ZNF208: variants seen among roughly 807,000 people sequenced by gnomAD.
ZNF208 encodes the protein zinc finger protein 95.
In ZNF208, 10 loss-of-function variants were observed where a neutral mutation model predicts 12.1. The observed-to-expected ratio is 0.83, with a 90% CI of 0.51 to 1.40. The LOEUF (loss-of-function observed/expected upper bound fraction) is 1.40. ZNF208 is among the 40% of genes most tolerant of loss of function. The probability of loss-of-function intolerance (pLI) is 0.00; values close to 1 mark genes in which losing one functional copy is unlikely to be tolerated. For synonymous variants in ZNF208, 497 were observed against 488.4 expected (o/e 1.02, Z -0.23); for missense variants, 1,652 against 1,485.0 (o/e 1.11, Z -1.85).
chr19:21,950,372 C>T (rs937362776), intron 4 of ZNF208, among the ~76,000 whole-genome samples: 1 of 152,028 alleles, frequency 6.6e-6, no homozygotes, highest in African/African-American at 2.4e-5. Flanking sequence ...TTTAAAAGAT[C>T]TCTGCTTTTT....
chr19:21,956,994 A>G (rs916413860), intron 4 of ZNF208, among the ~76,000 whole-genome samples: 1 of 152,106 alleles, frequency 6.6e-6, no homozygotes, highest in African/African-American at 2.4e-5. Flanking sequence ...AATATTCTTA[A>G]CTTGTAGCAA....
chr19:21,972,108 C>T lies in ZNF208; in HGVS notation c.2926G>A (p.Glu976Lys). 1.2e-6 allele frequency: 2 copies of T among 1,612,830 alleles called. No homozygotes were observed. The highest frequency in any genetic ancestry group is 8.5e-7 in the Non-Finnish European group (1 of 1,179,626). The change falls in exon 4 of 4, where the codon GAA becomes AAA. Residue 976 changes from glutamate (E) to lysine (K), a missense_variant. This residue lies in a region of ZNF208 where 1,239 missense variants were observed against 1,086.2 expected (regional missense o/e 1.14). Coordinates refer to ENST00000397126, the MANE Select transcript of ZNF208 (RefSeq NM_007153.3). ...GTACTAAAGCCTTTGCCACATTCTT[C>T]ATATTTGTAAGGTTTCTCTTCAGTA... ...IHTEEKPYKY[E>K]ECGKGFSTFS...
chr19:21,993,093 C>G (rs1203460467), intron 1 of ZNF208, among the ~76,000 whole-genome samples: 1 of 152,112 alleles, frequency 6.6e-6, no homozygotes, highest in Non-Finnish European at 1.5e-5. Flanking sequence ...GCAGAAGGAC[C>G]AAGACAGAAA....
intron 3 of ZNF208, among the ~76,000 whole-genome samples, chr19:21,977,909 C>T (rs1261065753): frequency 2.0e-5 from 3 of 152,128 alleles, no homozygotes; most frequent in Non-Finnish European, 4.4e-5. Flanking sequence ...AGGGCGTCCG[C>T]CATTGCTGAG....
At chr19:21,945,441 GT>G (rs1313924234) in intron 4 of ZNF208, among the ~76,000 whole-genome samples, 1 of 152,056 alleles carries the variant, frequency 6.6e-6, no homozygotes, top group Non-Finnish European at 1.5e-5. Flanking sequence ...ATCATGCTTT[GT>G]TTTGTATTTT....
Position 21,972,180 on chromosome 19 carries a change from T to A in ZNF208, c.2854A>T (p.Lys952Ter). Residue 952 changes from lysine (K) to a stop codon, truncating the protein, a stop_gained, in exon 4 of 4, where the codon AAA becomes TAA. Transcript: ENST00000397126. LOFTEE classifies it low-confidence loss of function (END_TRUNC). ...EKFYKCEACG[K>*]AYKSSSTLSY... ...AGGGTTGAGGATGACTTATAGGCTT[T>A]GCCACATGCTTCACATTTGTAGAAT... 1.9e-6 allele frequency: 3 copies of A among 1,608,524 alleles called. No individual in the cohort carries two copies. Among genetic ancestry groups the A allele is most frequent in the Non-Finnish European group, 2.5e-6 (3 of 1,176,678 alleles).
intron 4 of ZNF208, among the ~76,000 whole-genome samples, chr19:21,945,297 GCACCTAACCTTTA>G (rs1969799189): frequency 6.6e-6 from 1 of 152,148 alleles, no homozygotes; most frequent in Non-Finnish European, 1.5e-5. Flanking sequence ...TGGGTATTCT[GCACCTAACCTTTA>G]AAATAGACTT....
At chr19:21,986,059 C>CA (rs1970624642) in intron 3 of ZNF208, among the ~76,000 whole-genome samples, 1 of 152,166 alleles carries the variant, frequency 6.6e-6, no homozygotes, top group African/African-American at 2.4e-5. Flanking sequence ...CCTCTGAAAC[C>CA]AGTTTATAAA....
chr19:22,001,918 A>AAAAAAAAAAAAAAAAAAAAAAAAG (rs1970960157), intron 1 of ZNF208, among the ~76,000 whole-genome samples: 1 of 137,710 alleles, frequency 7.3e-6, no homozygotes, highest in Non-Finnish European at 1.6e-5. Flanking sequence ...AAAAAAAAAA[A>AAAAAAAAAAAAAAAAAAAAAAAAG]AAAGAAAAAA....
At chr19:21,980,241 C>T (rs1970511315) in intron 3 of ZNF208, among the ~76,000 whole-genome samples, 2 of 152,152 alleles carry the variant, frequency 1.3e-5, no homozygotes, top group Middle Eastern at 3.2e-3. Context: ...TAGACATCTA[C>T]AGGACTCTGC....
intron 1 of ZNF208, among the ~76,000 whole-genome samples, chr19:21,992,201 A>G (rs1469896279): frequency 6.6e-6 from 1 of 152,234 alleles, no homozygotes; most frequent in Non-Finnish European, 1.5e-5. Flanking sequence ...TAGTGAAAAA[A>G]TGTGTCAGAA....
downstream of ZNF208, among the ~76,000 whole-genome samples, chr19:21,964,709 T>C (rs545150008): frequency 8.2e-4 from 125 of 151,842 alleles, 3 homozygotes; most frequent in Middle Eastern, 0.041. Context: ...ACATAGAAAA[T>C]TTGTGGTCTG....
At chr19:21,987,867 G>A (rs1237256910) in intron 2 of ZNF208, among the ~76,000 whole-genome samples, 5 of 151,832 alleles carry the variant, frequency 3.3e-5, no homozygotes, top group Non-Finnish European at 7.4e-5. Flanking sequence ...AAATACTGTG[G>A]AGACCAGAAC....
intron 3 of ZNF208, chr19:21,986,994 C>G: frequency 2.0e-6 from 1 of 508,362 alleles, no homozygotes; most frequent in Non-Finnish European, 3.4e-6. Flanking sequence ...TCACTGTAAA[C>G]TTGAAGGAAG....
At chr19:21,986,907 A>AT (rs2145565837) in intron 3 of ZNF208, 2 of 413,596 alleles carry the variant, frequency 4.8e-6, no homozygotes, top group East Asian at 7.1e-5. Flanking sequence ...AATCATGCAG[A>AT]TATCTGTGTG....
chr19:21,947,975 C>T (rs1384990707), intron 4 of ZNF208, among the ~76,000 whole-genome samples: 8 of 152,122 alleles, frequency 5.3e-5, no homozygotes, highest in Non-Finnish European at 1.0e-4. Context: ...CTCCTCTGGA[C>T]CCATGGGTGA....
chr19:21,942,513 TA>T (rs1969756884), intron 4 of ZNF208, among the ~76,000 whole-genome samples: 1 of 152,246 alleles, frequency 6.6e-6, no homozygotes, highest in Admixed American at 6.5e-5. Context: ...TTGTTGAAGA[TA>T]TTTTTAATTT....
rs189454983 is a variant in ZNF208, at chr19:21,956,922, G to A, written c.305+17807C>T. Among the ~76,000 whole-genome samples the A allele has an allele frequency of 1.1e-4, 17 of 152,294 alleles. No homozygotes were observed. The East Asian group carries it at 3.3e-3, about 29-fold the overall frequency. On this transcript the variant is annotated intron_variant, in intron 4 of 4. Transcript: ENST00000599916. The stretch of plus-strand genomic sequence containing the variant: ...ACCCATCATCTGTGTCACTCACACT[G>A]GGAGATGTAGACTGGAGCTGTCCCT...
At position 21,970,518 on chromosome 19, in the gene ZNF208, T is replaced by A. The variant is rs1241496981; in HGVS notation, c.*673A>T. Among the ~76,000 whole-genome samples, 1 of 152,188 alleles carries A rather than the reference T, an allele frequency of 6.6e-6. No homozygotes were observed. The highest frequency in any genetic ancestry group is 1.5e-5 in the Non-Finnish European group (1 of 68,024). ...AATAGTTTTGCCACATTTTTCATAT[T>A]TGTAGGGTTTTTCCTCCAGTATGAA... On this transcript the variant is annotated 3_prime_UTR_variant, in exon 4 of 4. Coordinates refer to ENST00000397126, the MANE Select transcript of ZNF208 (RefSeq NM_007153.3).
Sources: gnomAD v4.1 joint callset for allele counts (sites outside exome capture counted in the v4.1 genomes callset) on GRCh38, gnomAD v4.1.1 for gene constraint, gnomAD v4.1.1 regional missense constraint, MANE v1.5 for transcripts, NCBI Gene and HGNC (gene_info 2026-07-23, HGNC 2026-07-21) for gene names.